Variants in SNTG1 observed in about 807,000 individuals in gnomAD.
SNTG1 encodes gamma-1-syntrophin.
SNTG1 carries 39 observed loss-of-function variants against 74.7 expected under a neutral mutation model. The observed-to-expected ratio is 0.52, with a 90% CI of 0.40 to 0.68. SNTG1 has a LOEUF of 0.68. Among genes scored for constraint, SNTG1 ranks in the 30% least tolerant of loss-of-function variants. SNTG1 has a pLI of 0.00. For missense variants in SNTG1, 685 were observed against 609.5 expected, an observed-to-expected ratio of 1.12 and a Z score of -1.30; for synonymous variants, 254 against 217.1, an observed-to-expected ratio of 1.17 and a Z score of -1.49.
At chr8:50,697,536 T>C (rs1332205769) in intron 15 of SNTG1, among the ~76,000 whole-genome samples, 1 of 152,188 alleles carries the variant, frequency 6.6e-6, no homozygotes, top group African/African-American at 2.4e-5. Flanking sequence ...AACTTTTCCA[T>C]TTTCAGTATG....
At chr8:50,431,564 A>G (rs1029888075) in intron 4 of SNTG1, among the ~76,000 whole-genome samples, 1 of 152,288 alleles carries the variant, frequency 6.6e-6, no homozygotes, top group Non-Finnish European at 1.5e-5. Context: ...GTAAAGACCT[A>G]GGAGTATCAT....
intron 1 of SNTG1, among the ~76,000 whole-genome samples, chr8:49,955,135 G>T (rs999208913): frequency 6.6e-6 from 1 of 152,102 alleles, no homozygotes; most frequent in African/African-American, 2.4e-5. Flanking sequence ...AGAATATTTG[G>T]CACACTTCAT....
chr8:50,650,103 AAATAC>A lies in SNTG1; in HGVS notation c.850-6804_850-6800del, dbSNP rs574176395. Among the ~76,000 whole-genome samples, 463 of 152,126 alleles carry A rather than the reference AAATAC, an allele frequency of 3.0e-3. 3 individuals carry two copies. Among genetic ancestry groups the A allele is most frequent in the African/African-American group, 0.011 (446 of 41,562 alleles). ...AGAATAATTTAAATAATTCACCATTAAATACATTTTTAAAAAATACAAATACCCAT... is the reference window on the plus strand; with the variant it reads ...AGAATAATTTAAATAATTCACCATTAATTTTTAAAAAATACAAATACCCAT... On this transcript the variant is annotated intron_variant, in intron 13 of 18. Transcript: ENST00000642720.
At chr8:50,763,934 T>A (rs2095606872) in intron 18 of SNTG1, among the ~76,000 whole-genome samples, 1 of 137,392 alleles carries the variant, frequency 7.3e-6, no homozygotes, top group Non-Finnish European at 1.6e-5. Flanking sequence ...TTCCTATACA[T>A]AGGTATAGGA....
intron 17 of SNTG1, among the ~76,000 whole-genome samples, chr8:50,749,367 C>T (rs1416154258): frequency 2.0e-5 from 3 of 152,048 alleles, no homozygotes; most frequent in East Asian, 3.9e-4. Flanking sequence ...GCCATCTCTA[C>T]ACCATAAAAG....
chr8:49,984,991 G>A (rs1813026414), intron 1 of SNTG1, among the ~76,000 whole-genome samples: 1 of 152,084 alleles, frequency 6.6e-6, no homozygotes, highest in Admixed American at 6.5e-5. Context: ...TCTGAAAGTT[G>A]TTTTTGGTTG....
intron 18 of SNTG1, among the ~76,000 whole-genome samples, chr8:50,782,227 A>G (rs1394855741): frequency 6.6e-6 from 1 of 151,962 alleles, no homozygotes; most frequent in African/African-American, 2.4e-5. Flanking sequence ...TGTTCTCTGT[A>G]TTTCCTGAAT....
intron 2 of SNTG1, among the ~76,000 whole-genome samples, chr8:50,259,570 A>G (rs549247795): frequency 6.7e-6 from 1 of 148,648 alleles, no homozygotes; most frequent in African/African-American, 2.5e-5. Context: ...GAAAGAAAGA[A>G]AGAGAAAATA....
At chr8:50,530,971 A>C (rs758348569) in intron 10 of SNTG1, among the ~76,000 whole-genome samples, 1 of 152,194 alleles carries the variant, frequency 6.6e-6, no homozygotes, top group Non-Finnish European at 1.5e-5. Flanking sequence ...AAACATAAAG[A>C]GAAGCAGAGG....
chr8:50,105,249 G>C (rs183699693), intron 1 of SNTG1, among the ~76,000 whole-genome samples: 1 of 151,998 alleles, frequency 6.6e-6, no homozygotes. Context: ...TCTGCATATG[G>C]GCAGCCAGTT....
chr8:50,789,646 T>C (rs190941761), intron 18 of SNTG1, among the ~76,000 whole-genome samples: 104 of 152,148 alleles, frequency 6.8e-4, no homozygotes, highest in African/African-American at 2.3e-3. Flanking sequence ...AGCAACACGT[T>C]TTTTCCAGTT....
intron 12 of SNTG1, among the ~76,000 whole-genome samples, chr8:50,572,491 T>C (rs1299718835): frequency 6.6e-6 from 1 of 152,150 alleles, no homozygotes; most frequent in East Asian, 1.9e-4. Flanking sequence ...AAATAAAGTT[T>C]AAGAAAGCTC....
At chr8:50,752,169 C>T in intron 18 of SNTG1, 58 bp downstream of exon 18, 1 of 938,310 alleles carries the variant, frequency 1.1e-6, no homozygotes, top group South Asian at 2.8e-5. Context: ...CATTAAGGAA[C>T]AAAGAGGGGA....
intron 8 of SNTG1, among the ~76,000 whole-genome samples, chr8:50,484,069 T>G (rs1047964219): frequency 2.0e-5 from 3 of 151,998 alleles, no homozygotes; most frequent in African/African-American, 7.3e-5. Flanking sequence ...TTTTCTTTCT[T>G]TCTTTTCTCT....
At chr8:49,978,227 G>T (rs1190944933) in intron 1 of SNTG1, among the ~76,000 whole-genome samples, 2 of 152,106 alleles carry the variant, frequency 1.3e-5, no homozygotes, top group African/African-American at 2.4e-5. Context: ...CACTGAAATA[G>T]AGAGAGCGGG....
At chr8:50,683,152 C>T (rs2095337868) in intron 15 of SNTG1, among the ~76,000 whole-genome samples, 6 of 152,178 alleles carry the variant, frequency 3.9e-5, no homozygotes. Flanking sequence ...GCGCCTGGCA[C>T]ACAGCAGGCT....
At chr8:50,621,816 T>C (rs1438616126) in intron 13 of SNTG1, among the ~76,000 whole-genome samples, 1 of 152,246 alleles carries the variant, frequency 6.6e-6, no homozygotes, top group Non-Finnish European at 1.5e-5. Context: ...GATTTTATTT[T>C]AGTTGTATAA....
At chr8:50,531,922 C>G (rs572451236) in intron 10 of SNTG1, among the ~76,000 whole-genome samples, 18 of 152,138 alleles carry the variant, frequency 1.2e-4, no homozygotes, top group Admixed American at 2.0e-4. Flanking sequence ...AGAAATCATT[C>G]TGGTTTGTTT....
intron 2 of SNTG1, among the ~76,000 whole-genome samples, chr8:50,386,054 G>T (rs1488942840): frequency 6.6e-6 from 1 of 152,194 alleles, no homozygotes; most frequent in East Asian, 1.9e-4. Context: ...GTAAGTTAAA[G>T]GTAGTTCTAA....
Sources: gnomAD v4.1 joint callset for allele counts (sites outside exome capture counted in the v4.1 genomes callset) on GRCh38, gnomAD v4.1.1 for gene constraint, MANE v1.5 for transcripts, NCBI Gene and HGNC (gene_info 2026-07-23, HGNC 2026-07-21) for gene names.